Variants in IGF2R observed in about 807,000 individuals in gnomAD.
IGF2R encodes the protein insulin like growth factor 2 receptor.
IGF2R carries 91 observed loss-of-function variants against 270.6 expected under a neutral mutation model. The observed-to-expected ratio is 0.34, with a 90% CI of 0.28 to 0.40. The LOEUF (loss-of-function observed/expected upper bound fraction) is 0.40, where lower values mean the gene tolerates loss of function less well. Ranked by LOEUF, IGF2R falls within the 10% of genes least tolerant of loss-of-function variation. The pLI, the probability that IGF2R is intolerant of heterozygous loss-of-function variation, is 1.00. For missense variants in IGF2R, 2,805 were observed against 3,188.3 expected, an observed-to-expected ratio of 0.88 and a Z score of 2.90; for synonymous variants, 1,316 against 1,258.9, an observed-to-expected ratio of 1.05 and a Z score of -0.96.
rs1784086846 is a variant in IGF2R at position 159,998,689 on chromosome 6, A to G, written c.289+7366A>G. Among the ~76,000 whole-genome samples, 1 of 152,188 alleles carries G rather than the reference A, an allele frequency of 6.6e-6. No individual in the cohort carries two copies. The highest frequency in any genetic ancestry group is 6.5e-5 in the Admixed American group (1 of 15,282). On this transcript the variant is annotated intron_variant, in intron 2 of 47. Transcript: ENST00000356956. The surrounding 1 kb of genome is among the most constrained non-coding windows in gnomAD (Gnocchi z 4.1). ...CCCTTTCCCAGAGCTTGAAACTTCC[A>G]GAGGGAGTCATCATATATACTTTCA...
rs1426925699 is a variant in IGF2R, at chr6:160,068,300, C to A, written c.4167C>A (p.Asp1389Glu). ...TCTCGTCCCTGTCAAGGTACAGTGA[C>A]AACTGGGAAGCCATCACTGGGACGG... ...FDLSSLSRYS[D>E]NWEAITGTGD... The change falls in exon 30 of 48, where the codon GAC (aspartate) becomes GAA (glutamate). Residue 1389 changes from aspartate (D) to glutamate (E), a missense_variant. By Grantham distance (45) the Asp-to-Glu change is conservative. Transcript: ENST00000356956. 1.9e-6 allele frequency: 3 copies of A among 1,614,224 alleles called. No homozygotes were observed. Among genetic ancestry groups the A allele is most frequent in the Non-Finnish European group, 2.5e-6 (3 of 1,180,018 alleles).
intron 41 of IGF2R, among the ~76,000 whole-genome samples, chr6:160,085,735 G>C (rs1779085429): frequency 6.6e-6 from 1 of 152,242 alleles, no homozygotes; most frequent in Non-Finnish European, 1.5e-5. Context: ...GAGTTGTCCT[G>C]ATTCAGCCAC....
intron 44 of IGF2R, chr6:160,092,937 A>G (rs1367029467): frequency 6.6e-6 from 1 of 152,338 alleles, no homozygotes. Context: ...CTCACTTCTG[A>G]CAGCAACAGC....
rs1279949772 is a variant in IGF2R, at chr6:160,096,693, G to GT, written c.6842+74dup. Reference sequence around the variant, plus strand: ...TTCCCTTAAGAATAAGTGTATGTGTGTTTTTTCCCCAATGTTTTCTTGTGA... The same window carrying GT: ...TTCCCTTAAGAATAAGTGTATGTGTGTTTTTTTCCCCAATGTTTTCTTGTGA... On this transcript the variant is annotated intron_variant, in intron 45 of 47. Transcript: ENST00000356956. 4.8e-6 allele frequency: 6 copies of GT among 1,262,040 alleles called. No individual in the cohort carries two copies. The Admixed American group carries it at 7.3e-5, about 15-fold the overall frequency. The allele number at this position is 1,262,040 out of a possible 1,614,324, so 78.2% of individuals were successfully genotyped here.
chr6:160,093,609 A>C, intron 44 of IGF2R: 1 of 703,136 alleles, frequency 1.4e-6, no homozygotes, highest in Non-Finnish European at 2.7e-6. Flanking sequence ...TGGATCATCA[A>C]TGCCTTCCTT....
chr6:160,099,586 C>A lies in IGF2R; in HGVS notation c.6843-2933C>A, dbSNP rs184352561. Among the ~76,000 whole-genome samples, 211 of 152,312 alleles carry A rather than the reference C, an allele frequency of 1.4e-3. 1 individual carries two copies. The highest frequency in any genetic ancestry group is 2.4e-3 in the Non-Finnish European group (161 of 68,034). The stretch of plus-strand genomic sequence containing the variant: ...GTTTCACCGTGTTAGCCAGGTTGAT[C>A]TCGATCTCCTGATCTTGTGATCCGC... On this transcript the variant is annotated intron_variant, in intron 45 of 47. Transcript: ENST00000356956.
chr6:159,974,912 T>A (rs376519970), intron 1 of IGF2R, among the ~76,000 whole-genome samples: 12 of 152,302 alleles, frequency 7.9e-5, no homozygotes, highest in Admixed American at 5.9e-4. Context: ...GTGGTTTAAT[T>A]TTTATATATG....
At chr6:160,048,066 C>T (rs1778109484) in intron 17 of IGF2R, among the ~76,000 whole-genome samples, 159 bp downstream of exon 17, 1 of 152,224 alleles carries the variant, frequency 6.6e-6, no homozygotes, top group African/African-American at 2.4e-5. Context: ...ATTCTAATAA[C>T]TGTCTGGTCG....
intron 1 of IGF2R, among the ~76,000 whole-genome samples, chr6:159,990,465 C>T (rs111473989): frequency 0.046 from 7,076 of 152,176 alleles, 218 homozygotes; most frequent in African/African-American, 0.079. Context: ...CCTTCTGTCA[C>T]GATTGTAAGT....
At chr6:160,096,921 C>G (rs1171703640) in intron 45 of IGF2R, among the ~76,000 whole-genome samples, 1 of 152,194 alleles carries the variant, frequency 6.6e-6, no homozygotes, top group East Asian at 1.9e-4. Flanking sequence ...GGCACCCCAG[C>G]TCTGTCCCTC....
At chr6:160,091,146 G>A (rs1294909081) in intron 44 of IGF2R, among the ~76,000 whole-genome samples, 1 of 135,372 alleles carries the variant, frequency 7.4e-6, no homozygotes, top group Non-Finnish European at 1.6e-5. Context: ...TCCGTGCCCT[G>A]GTGCTGAGCA....
At chr6:160,031,434 T>C (rs1777694491) in intron 7 of IGF2R, among the ~76,000 whole-genome samples, 1 of 152,148 alleles carries the variant, frequency 6.6e-6, no homozygotes, top group African/African-American at 2.4e-5. Context: ...ATTTTGCATT[T>C]CCATCACCCC....
rs147120362 is a variant in IGF2R, at chr6:160,102,613, C to G, written c.6937C>G (p.Leu2313Val). ...SQAVGAVLSL[L>V]LVALTCCLLA... ...GGCAGTCGGCGCGGTGCTCAGCCTG[C>G]TGCTGGTGGCGCTCACCTGCTGCCT... The change falls in exon 46 of 48, where the codon CTG becomes GTG. Residue 2313 changes from leucine to valine, a missense_variant. Coordinates refer to ENST00000356956, the MANE Select transcript of IGF2R (RefSeq NM_000876.4). This position sits in a 1 kb window ranked among gnomAD's most constrained non-coding sequence, Gnocchi z 4.5. 8 of 1,613,332 alleles carry G rather than the reference C, an allele frequency of 5.0e-6. No homozygotes were observed. The African/African-American group carries it at 9.3e-5, about 19-fold the overall frequency.
At chr6:160,086,943 A>G (rs965459265) in intron 41 of IGF2R, among the ~76,000 whole-genome samples, 2 of 151,714 alleles carry the variant, frequency 1.3e-5, no homozygotes, top group African/African-American at 4.8e-5. Flanking sequence ...CCCTGGAGAC[A>G]TCATCTGTCC....
chr6:160,088,022 G>C lies in IGF2R; in HGVS notation c.6206-11G>C. On this transcript the variant is annotated splice_polypyrimidine_tract_variant and intron_variant, in intron 41 of 47. Transcript: ENST00000356956. ...AGAAATAATGTCAGTTCAATCATTT[G>C]TGTGTTTCAGGTGACAAAGTTGTTG... 2 of 1,525,284 alleles carry C rather than the reference G, an allele frequency of 1.3e-6. No individual in the cohort carries two copies. The highest frequency in any genetic ancestry group is 1.8e-6 in the Non-Finnish European group (2 of 1,098,992). The allele number at this position is 1,525,284 out of a possible 1,614,324, so 94.5% of individuals were successfully genotyped here.
intron 27 of IGF2R, 123 bp downstream of exon 27, chr6:160,063,753 A>AG (rs1311711892): frequency 8.5e-6 from 6 of 705,938 alleles, no homozygotes; most frequent in Admixed American, 2.9e-5. Flanking sequence ...AAAAAAAAAA[A>AG]AAGCATATTA....
chr6:160,073,258 A>G lies in IGF2R; in HGVS notation c.4736A>G (p.Lys1579Arg). The change falls in exon 34 of 48, where the codon AAG becomes AGG. Residue 1579 changes from lysine to arginine, a missense_variant. This residue lies in a region of IGF2R where 1,851 missense variants were observed against 2,207.2 expected (regional missense o/e 0.84). Transcript: ENST00000356956. ...AGGATTAGCGTGGGCAAGGCCAACA[A>G]GAGGCTGAGATACGTGGACCAGGTC... The part of the protein sequence containing the change: ...QTRISVGKAN[K>R]RLRYVDQVLQ... The G allele has an allele frequency of 6.2e-7, 1 of 1,614,244 alleles. No individual in the cohort carries two copies. The highest frequency in any genetic ancestry group is 1.7e-5 in the Admixed American group (1 of 60,032).
intron 1 of IGF2R, among the ~76,000 whole-genome samples, chr6:159,984,429 A>G (rs1052590415): frequency 6.6e-5 from 10 of 151,772 alleles, no homozygotes; most frequent in African/African-American, 2.4e-4. Context: ...CCACTCACTC[A>G]CTGACTCACC....
intron 7 of IGF2R, among the ~76,000 whole-genome samples, chr6:160,031,211 TG>T (rs770393721): frequency 7.9e-5 from 12 of 152,198 alleles, no homozygotes; most frequent in Middle Eastern, 3.2e-3. Flanking sequence ...CTGTAATACT[TG>T]GGAGGTTTGT....
Sources: allele counts gnomAD v4.1 joint callset (sites outside exome capture counted in the v4.1 genomes callset), GRCh38; gene constraint gnomAD v4.1.1; regional missense constraint gnomAD v4.1.1; non-coding constraint Gnocchi (gnomAD v3.1); transcripts MANE v1.5; gene names NCBI Gene and HGNC (gene_info 2026-07-23, HGNC 2026-07-21).